The following OTOGL variants were observed in gnomAD, a reference collection of about 807,000 sequenced individuals.
The protein encoded by OTOGL is otogelin-like protein.
OTOGL carries 285 observed loss-of-function variants against 318.5 expected under a neutral mutation model. The ratio of observed to expected loss-of-function variants is 0.89; its 90% confidence interval spans 0.81 to 0.99. The LOEUF (loss-of-function observed/expected upper bound fraction) is 0.99, where lower values mean the gene tolerates loss of function less well. Among genes scored for constraint, OTOGL ranks in the 50% least tolerant of loss-of-function variants. OTOGL has a pLI of 0.00. For synonymous variants in OTOGL, 987 were observed against 936.5 expected (o/e 1.05, Z -0.99); for missense variants, 2,899 against 2,845.6 (o/e 1.02, Z -0.43).
Position 80,219,804 on chromosome 12 carries a change from TCCCC to T in OTOGL, c.236-8_236-5del. 6.7e-7 allele frequency: 1 copy of T among 1,500,668 alleles called. No homozygotes were observed. Among genetic ancestry groups the T allele is most frequent in the Non-Finnish European group, 9.1e-7 (1 of 1,100,990 alleles). The allele number at this position is 1,500,668 out of a possible 1,614,324, so 93.0% of individuals were successfully genotyped here. A position where few individuals can be genotyped will look rare whatever the true frequency, so the allele number is the denominator to read the frequency against. On this transcript the variant is annotated splice_region_variant and splice_polypyrimidine_tract_variant and intron_variant, in intron 5 of 58. Coordinates refer to ENST00000547103, the MANE Select transcript of OTOGL (RefSeq NM_001378609.3). Reference sequence around the variant, plus strand: ...CCAGAAGATAACTTTTTTTTTTTTTTCCCCCTCAGGTTCTTGTCCTTATGAATGC... The same window carrying T: ...CCAGAAGATAACTTTTTTTTTTTTTTCTCAGGTTCTTGTCCTTATGAATGC...
intron 44 of OTOGL, among the ~76,000 whole-genome samples, chr12:80,349,486 TA>T (rs2137986616): frequency 6.6e-6 from 1 of 152,108 alleles, no homozygotes; most frequent in Non-Finnish European, 1.5e-5. Flanking sequence ...TGGGATCTAG[TA>T]AAACAGAATG....
intron 1 of OTOGL, among the ~76,000 whole-genome samples, chr12:80,202,427 C>T (rs986602167): frequency 8.5e-5 from 13 of 152,052 alleles, no homozygotes; most frequent in Non-Finnish European, 1.3e-4. Flanking sequence ...CTCGACACCA[C>T]GCCTGGCTAA....
chr12:80,181,331 T>TTCTCTCTCTC (rs57549257), intron 1 of OTOGL, among the ~76,000 whole-genome samples: 6 of 149,254 alleles, frequency 4.0e-5, no homozygotes, highest in Admixed American at 6.7e-5. Context: ...TTAAATTTAC[T>TTCTCTCTCTC]TCTCTCTCTC....
chr12:80,323,697 A>C (rs766591646), intron 34 of OTOGL, 26 bp from the exon 35 acceptor site: 1 of 1,540,480 alleles, frequency 6.5e-7, no homozygotes, highest in Non-Finnish European at 9.0e-7. Context: ...AAATATGCAC[A>C]CAATCTAAAC....
At position 80,239,336 on chromosome 12, in the gene OTOGL, A is replaced by G. The variant is rs748705456; in HGVS notation, c.949A>G (p.Ile317Val). The part of the protein sequence containing the change: ...CSSGMPAFEA[I>V]FFKCQILLQF... ...ACTGCCATCTTTTTTTGCACAGGCA[A>G]TCTTCTTCAAGTGTCAGATACTGTT... The change falls in exon 11 of 59, where the codon ATC becomes GTC. Residue 317 changes from isoleucine (I) to valine (V), a missense_variant. By Grantham distance (29) the Ile-to-Val change is conservative. Transcript: ENST00000547103. 6 of 1,602,256 alleles carry G rather than the reference A, an allele frequency of 3.7e-6. No homozygotes were observed. Among genetic ancestry groups the G allele is most frequent in the Non-Finnish European group, 3.4e-6 (4 of 1,173,070 alleles).
intron 1 of OTOGL, chr12:80,189,590 T>C (rs1161509629): frequency 3.5e-6 from 2 of 571,194 alleles, no homozygotes; most frequent in Non-Finnish European, 4.4e-6. Context: ...CCAAAAGAGA[T>C]AGATTGCAAA....
chr12:80,359,049 A>G, intron 52 of OTOGL, 149 bp downstream of exon 52: 3 of 671,382 alleles, frequency 4.5e-6, no homozygotes, highest in South Asian at 4.2e-5. Context: ...GTGCTCTGAT[A>G]TTAGGAAATA....
intron 24 of OTOGL, among the ~76,000 whole-genome samples, chr12:80,277,064 G>A (rs1883862279): frequency 6.7e-6 from 1 of 149,740 alleles, no homozygotes; most frequent in African/African-American, 2.4e-5. Flanking sequence ...TGTAAAAAAA[G>A]TTTTATACCT....
chr12:80,278,848 G>T lies in OTOGL; in HGVS notation c.2790-180G>T, dbSNP rs1433375857. On this transcript the variant is annotated intron_variant, in intron 25 of 58. Transcript: ENST00000547103. ...GTGTCTGATAATTTATTTAAAGGAA[G>T]TGAAAAACGTATGCCTAATTTGTCA... Among the ~76,000 whole-genome samples the T allele has an allele frequency of 7.9e-5, 12 of 151,464 alleles. No homozygotes were observed. In the Admixed American group the frequency reaches 7.9e-4, roughly 10 times the overall value.
At chr12:80,307,433 G>A (rs1886221034) in intron 29 of OTOGL, among the ~76,000 whole-genome samples, 1 of 149,628 alleles carries the variant, frequency 6.7e-6, no homozygotes, top group African/African-American at 2.5e-5. Context: ...GGCCAGACGG[G>A]GGGCTGACCC....
At chr12:80,286,651 T>G (rs1884647389) in intron 26 of OTOGL, among the ~76,000 whole-genome samples, 1 of 152,218 alleles carries the variant, frequency 6.6e-6, no homozygotes. Flanking sequence ...ATTTTCTAGT[T>G]TATTTGGTAG....
At chr12:80,245,794 G>A (rs1382899014) in intron 11 of OTOGL, among the ~76,000 whole-genome samples, 1 of 36,184 alleles carries the variant, frequency 2.8e-5, no homozygotes, top group African/African-American at 1.3e-4. Flanking sequence ...CTACCCATGA[G>A]CATGGAATGT....
Position 80,267,338 on chromosome 12 carries a change from A to G in OTOGL, c.2465+11A>G, listed in dbSNP as rs1034464350. 13 of 1,451,404 alleles carry G rather than the reference A, an allele frequency of 9.0e-6. No homozygotes were observed. The highest frequency in any genetic ancestry group is 2.8e-5 in the African/African-American group (2 of 70,434). 89.9% of individuals were successfully genotyped at this position (1,451,404 alleles called of 1,614,324 possible). On this transcript the variant is annotated intron_variant, in intron 22 of 58. Coordinates refer to ENST00000547103, the MANE Select transcript of OTOGL (RefSeq NM_001378609.3). ...ACCCTCGGGCTTATGGTAGGTTTCA[A>G]TGATGGGGATTGTGTTTGACAAATG...
intron 57 of OTOGL, 130 bp downstream of exon 57, chr12:80,372,194 G>C (rs1194040039): frequency 3.5e-6 from 2 of 569,556 alleles, no homozygotes; most frequent in Admixed American, 4.3e-5. Context: ...AAATATTTTT[G>C]TATCGTATGT....
intron 30 of OTOGL, 63 bp downstream of exon 30, chr12:80,310,790 G>C: frequency 7.6e-7 from 1 of 1,307,628 alleles, no homozygotes; most frequent in Non-Finnish European, 1.1e-6. Context: ...ATAATACTGA[G>C]GTGAACACGA....
At chr12:80,236,488 C>T (rs1879857133) in intron 9 of OTOGL, among the ~76,000 whole-genome samples, 1 of 152,152 alleles carries the variant, frequency 6.6e-6, no homozygotes, top group Admixed American at 6.5e-5. Flanking sequence ...GGTTCAAAAG[C>T]TGCAATTAAA....
chr12:80,238,230 G>T (rs1880038891), intron 9 of OTOGL, among the ~76,000 whole-genome samples: 1 of 152,104 alleles, frequency 6.6e-6, no homozygotes, highest in Non-Finnish European at 1.5e-5. Flanking sequence ...TCTCAGTAGG[G>T]ATGTCTTTCC....
At position 80,278,051 on chromosome 12, in the gene OTOGL, G is replaced by A. The variant is rs1366942133; in HGVS notation, c.2682-117G>A. 3 of 743,546 alleles carry A rather than the reference G, an allele frequency of 4.0e-6. No individual in the cohort carries two copies. In the African/African-American group the frequency reaches 5.3e-5, roughly 13 times the overall value. 46.1% of individuals were successfully genotyped at this position (743,546 alleles called of 1,614,324 possible). A position where few individuals can be genotyped will look rare whatever the true frequency, so the allele number is the denominator to read the frequency against. ...TCATCTCCTCAGTAGGTTAGATAGA[G>A]TGCCTTAGACAGCTCTAATAAATAT... is the stretch of plus-strand genomic sequence containing the variant. On this transcript the variant is annotated intron_variant, in intron 24 of 58. Transcript: ENST00000547103.
At chr12:80,355,575 T>C (rs1889836509) in intron 46 of OTOGL, among the ~76,000 whole-genome samples, 161 bp from the exon 47 acceptor site, 1 of 151,836 alleles carries the variant, frequency 6.6e-6, no homozygotes, top group African/African-American at 2.4e-5. Flanking sequence ...TAAAGAAAAA[T>C]GTAAGTTAGT....
Sources: allele counts gnomAD v4.1 joint callset (sites outside exome capture counted in the v4.1 genomes callset), GRCh38; gene constraint gnomAD v4.1.1; transcripts MANE v1.5; gene names NCBI Gene and HGNC (gene_info 2026-07-23, HGNC 2026-07-21).